The following MYO16 variants were observed in gnomAD, a reference collection of about 807,000 sequenced individuals.
MYO16 encodes myosin XVI.
Under a neutral mutation model 205.3 loss-of-function variants are expected in MYO16, and 94 were observed. The ratio of observed to expected loss-of-function variants is 0.46; its 90% CI spans 0.39 to 0.54. The LOEUF is 0.54. Among genes scored for constraint, MYO16 ranks in the 20% least tolerant of loss-of-function variants. The pLI is 0.00. For missense variants in MYO16, 2,315 were observed against 2,387.5 expected (o/e 0.97, Z 0.63); for synonymous variants, 988 against 954.0 (o/e 1.04, Z -0.66).
chr13:108,530,864 A>C, the MYO16 span, among the ~76,000 whole-genome samples: 1 of 152,152 alleles, frequency 6.6e-6, no homozygotes, highest in Non-Finnish European at 1.5e-5. Context: ...ATTGATTCAC[A>C]TGATGCTATC....
intron 29 of MYO16, among the ~76,000 whole-genome samples, chr13:109,122,625 C>A (rs1356455061): frequency 6.6e-6 from 1 of 150,882 alleles, no homozygotes; most frequent in African/African-American, 2.4e-5. Context: ...TTGCGGTGAG[C>A]CAAGATCGTG....
chr13:109,148,059 C>T (rs982032932), intron 32 of MYO16, among the ~76,000 whole-genome samples: 1 of 152,054 alleles, frequency 6.6e-6, no homozygotes, highest in Admixed American at 6.5e-5. Flanking sequence ...CTGTAGTAGC[C>T]AAGAGTGCTT....
At chr13:108,845,221 T>C (rs1455297679) in intron 10 of MYO16, among the ~76,000 whole-genome samples, 3 of 152,232 alleles carry the variant, frequency 2.0e-5, no homozygotes, top group African/African-American at 7.2e-5. Context: ...TAATTTTAAC[T>C]TTATTAATTT....
intron 19 of MYO16, among the ~76,000 whole-genome samples, chr13:108,964,223 A>T (rs749613156): frequency 2.0e-5 from 3 of 152,216 alleles, no homozygotes; most frequent in Non-Finnish European, 4.4e-5. Context: ...GCCCACCTCT[A>T]TTCTAGTCCC....
chr13:109,091,222 G>T (rs1566501387), intron 27 of MYO16, among the ~76,000 whole-genome samples: 2 of 152,134 alleles, frequency 1.3e-5, no homozygotes, highest in Non-Finnish European at 1.5e-5. Flanking sequence ...AAATGCCCAG[G>T]AGTGGTTCTA....
intron 22 of MYO16, among the ~76,000 whole-genome samples, chr13:109,015,583 A>G (rs555614084): frequency 6.6e-6 from 1 of 152,248 alleles, no homozygotes; most frequent in Admixed American, 6.5e-5. Flanking sequence ...CTGTGAATCC[A>G]TCTGGTCCTG....
the MYO16 span, among the ~76,000 whole-genome samples, chr13:108,500,514 C>T: frequency 6.6e-6 from 1 of 152,058 alleles, no homozygotes; most frequent in Non-Finnish European, 1.5e-5. Flanking sequence ...AAGCATGAGC[C>T]ACCACGCCCG....
At chr13:108,597,763 T>C (rs1427720249) in intron 1 of MYO16, among the ~76,000 whole-genome samples, 3 of 152,148 alleles carry the variant, frequency 2.0e-5, no homozygotes, top group Non-Finnish European at 4.4e-5. Flanking sequence ...TTACCGGTGG[T>C]TTCATGCGGT....
chr13:108,855,584 G>T, intron 11 of MYO16, 31 bp downstream of exon 11: 2 of 1,422,336 alleles, frequency 1.4e-6, no homozygotes, highest in Non-Finnish European at 9.8e-7. Flanking sequence ...CTTTTGCACT[G>T]TTTTTCTCTT....
chr13:108,983,779 T>C (rs1200344801), intron 20 of MYO16, among the ~76,000 whole-genome samples: 1 of 152,186 alleles, frequency 6.6e-6, no homozygotes, highest in Non-Finnish European at 1.5e-5. Context: ...ATGGTGAGGC[T>C]TTACAGGACT....
chr13:109,039,275 A>G (rs1296079532), intron 23 of MYO16, among the ~76,000 whole-genome samples: 1 of 152,200 alleles, frequency 6.6e-6, no homozygotes, highest in East Asian at 1.9e-4. Context: ...CCCTCCTCTC[A>G]ACAATTGGTA....
intron 27 of MYO16, among the ~76,000 whole-genome samples, chr13:109,080,779 T>C (rs1346916): frequency 0.55 from 83,357 of 151,900 alleles, 23,265 homozygotes; most frequent in Non-Finnish European, 0.6. Context: ...GATACGCTTT[T>C]TAAAAATTAC....
At chr13:108,859,685 T>G (rs909829978) in intron 11 of MYO16, among the ~76,000 whole-genome samples, 1 of 152,286 alleles carries the variant, frequency 6.6e-6, no homozygotes, top group Non-Finnish European at 1.5e-5. Flanking sequence ...CGTTGCATTC[T>G]CTGAATACTT....
chr13:109,083,383 CAAAAAAAAAAAAAAAAAAAAA>C lies in MYO16; in HGVS notation c.3336-17386_3336-17366del, dbSNP rs71125367. Among the ~76,000 whole-genome samples, 20 of 52,296 alleles carry C rather than the reference CAAAAAAAAAAAAAAAAAAAAA, an allele frequency of 3.8e-4. 1 individual carries two copies. Among genetic ancestry groups the C allele is most frequent in the Admixed American group, 2.2e-3 (6 of 2,768 alleles). 34.3% of individuals were successfully genotyped at this position (52,296 alleles called of 152,430 possible). ...GGGCAAAAAGAGGGAAACTCCGTCTCAAAAAAAAAAAAAAAAAAAAAAAAAAAAAAAAAAAAGCTTCTGCAG... is the reference window on the plus strand; with the variant it reads ...GGGCAAAAAGAGGGAAACTCCGTCTCAAAAAAAAAAAAAAAGCTTCTGCAG... On this transcript the variant is annotated intron_variant, in intron 27 of 34. Transcript: ENST00000457511.
At chr13:108,706,744 C>T (rs1211480380) in intron 2 of MYO16, among the ~76,000 whole-genome samples, 1 of 152,184 alleles carries the variant, frequency 6.6e-6, no homozygotes, top group African/African-American at 2.4e-5. Flanking sequence ...GTCAACCTGG[C>T]CACGAAGACC....
intron 1 of MYO16, among the ~76,000 whole-genome samples, chr13:108,602,746 T>C (rs1878811302): frequency 6.6e-6 from 1 of 152,194 alleles, no homozygotes; most frequent in African/African-American, 2.4e-5. Context: ...AATAGTTCCA[T>C]ATTTGTAGAA....
At chr13:108,815,026 T>C (rs422026) in intron 7 of MYO16, among the ~76,000 whole-genome samples, 142,245 of 152,240 alleles carry the variant, frequency 0.93, 67,245 homozygotes, top group East Asian at 1. Context: ...AAATTAGAAC[T>C]GTTAAGTGAA....
intron 4 of MYO16, among the ~76,000 whole-genome samples, chr13:108,762,312 C>A (rs566559406): frequency 6.6e-6 from 1 of 152,238 alleles, no homozygotes; most frequent in African/African-American, 2.4e-5. Context: ...CACATGAGGG[C>A]AGGCATCTTT....
chr13:109,058,987 C>G (rs1220025642), intron 27 of MYO16, among the ~76,000 whole-genome samples: 1 of 152,122 alleles, frequency 6.6e-6, no homozygotes, highest in Admixed American at 6.6e-5. Flanking sequence ...CCATAAGCAG[C>G]AACTCCTCAT....
Sources: allele counts gnomAD v4.1 joint callset (sites outside exome capture counted in the v4.1 genomes callset), GRCh38; gene constraint gnomAD v4.1.1; transcripts MANE v1.5; gene names NCBI Gene and HGNC (gene_info 2026-07-23, HGNC 2026-07-21).